The following NAA11 variants were observed in gnomAD, a reference collection of about 807,000 sequenced individuals.
NAA11 encodes the protein N-alpha-acetyltransferase 11, NatA catalytic subunit, also known as N-alpha-acetyltransferase 11.
A neutral mutation model predicts 16.1 loss-of-function variants in NAA11; 15 were observed. The ratio of observed to expected loss-of-function variants is 0.93; its 90% CI spans 0.62 to 1.44. The LOEUF (loss-of-function observed/expected upper bound fraction) is 1.44. Among genes scored for constraint, NAA11 ranks in the 40% most tolerant of loss-of-function variants. The probability of loss-of-function intolerance (pLI) is 0.00; values close to 1 mark genes in which losing one functional copy is unlikely to be tolerated. For synonymous variants in NAA11, 122 were observed against 112.4 expected (o/e 1.09, Z -0.54); for missense variants, 298 against 291.3 (o/e 1.02, Z -0.17).
chr4:79,248,422 C>T (rs1199349037), intron 2 of NAA11, among the ~76,000 whole-genome samples: 1 of 152,148 alleles, frequency 6.6e-6, no homozygotes, highest in Non-Finnish European at 1.5e-5. Flanking sequence ...TGCATATACA[C>T]CCCACCATGC....
downstream of NAA11, among the ~76,000 whole-genome samples, chr4:79,316,478 G>C (rs1723930973): frequency 6.6e-6 from 1 of 151,842 alleles, no homozygotes; most frequent in Middle Eastern, 3.2e-3. Context: ...GCTTAGCAGG[G>C]CTAATTACGA....
chr4:79,292,457 A>G (rs1417305452), intron 2 of NAA11, among the ~76,000 whole-genome samples: 1 of 152,214 alleles, frequency 6.6e-6, no homozygotes, highest in East Asian at 1.9e-4. Flanking sequence ...CTAAAACAGA[A>G]TAGAGTAAAC....
At chr4:79,193,588 T>A in the NAA11 span, among the ~76,000 whole-genome samples, 1 of 152,110 alleles carries the variant, frequency 6.6e-6, no homozygotes, top group African/African-American at 2.4e-5. Flanking sequence ...GGTCTATATC[T>A]CTCTTTTGGT....
At chr4:79,165,648 CT>C in the NAA11 span, among the ~76,000 whole-genome samples, 1 of 152,284 alleles carries the variant, frequency 6.6e-6, no homozygotes, top group East Asian at 1.9e-4. Context: ...CAATGTTCTT[CT>C]TTTTAAAAAC....
the NAA11 span, among the ~76,000 whole-genome samples, chr4:79,171,256 A>G: frequency 2.6e-5 from 4 of 152,158 alleles, no homozygotes; most frequent in African/African-American, 4.8e-5. Flanking sequence ...AGTGAATTAT[A>G]TATTGTGGGA....
chr4:79,207,390 G>GAAA, the NAA11 span, among the ~76,000 whole-genome samples: 33 of 97,374 alleles, frequency 3.4e-4, no homozygotes, highest in Non-Finnish European at 5.5e-4. Flanking sequence ...AAAAAAAAAG[G>GAAA]AGAGTTCTAA....
chr4:79,190,367 G>A, the NAA11 span, among the ~76,000 whole-genome samples: 1 of 151,858 alleles, frequency 6.6e-6, no homozygotes, highest in Non-Finnish European at 1.5e-5. Flanking sequence ...TGTATATGAA[G>A]AGCCTTTCAA....
chr4:79,300,668 A>G (rs903305747), intron 1 of NAA11, among the ~76,000 whole-genome samples: 6 of 152,204 alleles, frequency 3.9e-5, no homozygotes, highest in African/African-American at 1.2e-4. Context: ...GGAGGGCAAA[A>G]ATGTTGAAAA....
At chr4:79,250,037 A>G (rs1235612029) in intron 2 of NAA11, among the ~76,000 whole-genome samples, 2 of 152,216 alleles carry the variant, frequency 1.3e-5, no homozygotes, top group Non-Finnish European at 2.9e-5. Context: ...GCACAGAGCA[A>G]AGGGAGCTGT....
intron 1 of NAA11, among the ~76,000 whole-genome samples, chr4:79,318,668 G>T (rs1207558897): frequency 2.6e-5 from 4 of 152,154 alleles, no homozygotes; most frequent in Non-Finnish European, 5.9e-5. Context: ...AAGTATATTT[G>T]CTATAACAAA....
chr4:79,172,689 TC>T, the NAA11 span, among the ~76,000 whole-genome samples: 1 of 152,246 alleles, frequency 6.6e-6, no homozygotes, highest in Middle Eastern at 3.4e-3. Context: ...TTTCAAGCTG[TC>T]CATATCCTTC....
chr4:79,173,151 G>C, the NAA11 span, among the ~76,000 whole-genome samples: 1 of 152,132 alleles, frequency 6.6e-6, no homozygotes, highest in African/African-American at 2.4e-5. Context: ...AATGCTTACT[G>C]TAACCTCAGT....
At chr4:79,306,877 C>T (rs1246199695) in intron 1 of NAA11, 2 of 152,144 alleles carry the variant, frequency 1.3e-5, no homozygotes, top group Admixed American at 6.6e-5. Flanking sequence ...GTTACCTCAT[C>T]AAGAAGCAGA....
chr4:79,264,747 A>G (rs939108333), intron 2 of NAA11, among the ~76,000 whole-genome samples: 12 of 152,088 alleles, frequency 7.9e-5, no homozygotes, highest in Non-Finnish European at 1.3e-4. Flanking sequence ...GTCTCATTTA[A>G]TGGACCATCC....
intron 2 of NAA11, among the ~76,000 whole-genome samples, chr4:79,283,681 A>G (rs1429637760): frequency 6.6e-6 from 1 of 152,158 alleles, no homozygotes; most frequent in Non-Finnish European, 1.5e-5. Flanking sequence ...AGGGCTTAGA[A>G]GAGCTGTATA....
chr4:79,242,367 C>T (rs1467064210), intron 2 of NAA11, among the ~76,000 whole-genome samples: 1 of 152,256 alleles, frequency 6.6e-6, no homozygotes, highest in African/African-American at 2.4e-5. Context: ...GCAATTGTGT[C>T]TGCCTGCTTC....
Position 79,325,332 on chromosome 4 carries a change from G to T in NAA11, c.546C>A (p.Gly182=), listed in dbSNP as rs2110020601. ...CCTCTTCAGAATCAGAAAGTGTGCT[G>T]CCCTGGGTCTCCTGGTTCTCCCTGG... ...LGSRENQETQ[G]STLSDSEEAC... is the part of the protein sequence containing the mutation. Residue 182 remains glycine, a synonymous_variant, in exon 1 of 2, where the codon GGC becomes GGA. Transcript: ENST00000286794. The T allele has an allele frequency of 6.2e-7, 1 of 1,613,940 alleles. No homozygotes were observed. The highest frequency in any genetic ancestry group is 8.5e-7 in the Non-Finnish European group (1 of 1,179,870).
chr4:79,307,093 A>G (rs954566134), intron 1 of NAA11: 1 of 152,236 alleles, frequency 6.6e-6, no homozygotes, highest in Non-Finnish European at 1.5e-5. Flanking sequence ...ACTGTTTAAG[A>G]GATGAATGTG....
At chr4:79,184,532 G>T in the NAA11 span, among the ~76,000 whole-genome samples, 1 of 152,192 alleles carries the variant, frequency 6.6e-6, no homozygotes, top group Non-Finnish European at 1.5e-5. Flanking sequence ...ACCTCTGTGG[G>T]AATGAAACAC....
Sources: gnomAD v4.1 joint callset for allele counts (sites outside exome capture counted in the v4.1 genomes callset) on GRCh38, gnomAD v4.1.1 for gene constraint, MANE v1.5 for transcripts, NCBI Gene and HGNC (gene_info 2026-07-23, HGNC 2026-07-21) for gene names.